The following ATP10B variants were observed in gnomAD, a reference collection of about 807,000 sequenced individuals.
ATP10B encodes the protein phospholipid-transporting ATPase VB.
Under a neutral mutation model 141.2 loss-of-function variants are expected in ATP10B, and 122 were observed. The observed-to-expected ratio is 0.86, with a 90% CI of 0.75 to 1.00. ATP10B has a LOEUF of 1.00. Ranked by LOEUF, ATP10B falls within the 50% of genes least tolerant of loss-of-function variation. ATP10B has a pLI of 0.00. For missense variants in ATP10B, 1,876 were observed against 1,825.3 expected (o/e 1.03, Z -0.51); for synonymous variants, 685 against 692.0 (o/e 0.99, Z 0.16).
At chr5:160,716,762 C>T in intron 3 of ATP10B, 147 bp downstream of exon 3, 1 of 453,328 alleles carries the variant, frequency 2.2e-6, no homozygotes, top group Non-Finnish European at 2.9e-6. Context: ...CCTGCGGGAC[C>T]CCGTTTTTTC....
intron 6 of ATP10B, 22 bp from the exon 7 acceptor site, chr5:160,670,689 G>C: frequency 6.2e-7 from 1 of 1,605,534 alleles, no homozygotes; most frequent in Non-Finnish European, 8.5e-7. Context: ...GAAAGACAGG[G>C]TGTGAGTGAG....
rs61734671 is a variant in ATP10B, at chr5:160,607,013, C to T, written c.2912G>A (p.Arg971His). 2.8e-4 allele frequency: 445 copies of T among 1,614,068 alleles called. 1 individual carries two copies. In the African/African-American group the frequency reaches 5.1e-3, roughly 19 times the overall value. Residue 971 changes from arginine to histidine, a missense_variant, in exon 19 of 26, where the codon CGC becomes CAC. Arg to His is a conservative substitution (Grantham distance 29). Transcript: ENST00000327245. Reference sequence around the variant, plus strand: ...AGGTAAGCGGAATCCAAAGAGCTTGCGGTCTGGCTTCTGTAGTTCACGAAA... The same window carrying T: ...AGGTAAGCGGAATCCAAAGAGCTTGTGGTCTGGCTTCTGTAGTTCACGAAA... ...KQFRELQKPD[R>H]KLFGFRLPSK... is the part of the protein sequence containing the mutation.
the ATP10B span, among the ~76,000 whole-genome samples, chr5:160,885,828 G>T: frequency 6.6e-6 from 1 of 152,166 alleles, no homozygotes; most frequent in African/African-American, 2.4e-5. Flanking sequence ...TTAACCCATT[G>T]TTCTTGATTT....
chr5:160,738,231 G>A (rs1158313376), intron 2 of ATP10B, among the ~76,000 whole-genome samples: 2 of 152,182 alleles, frequency 1.3e-5, no homozygotes, highest in East Asian at 3.9e-4. Flanking sequence ...TGAAGTGAAT[G>A]ATAATTAAAA....
intron 3 of ATP10B, among the ~76,000 whole-genome samples, chr5:160,694,056 T>C (rs1396429793): frequency 6.6e-6 from 1 of 152,044 alleles, no homozygotes; most frequent in Non-Finnish European, 1.5e-5. Context: ...GTCTGAAGAG[T>C]GCCAGGGAAA....
chr5:160,636,459 G>GTT, intron 10 of ATP10B, 150 bp from the exon 11 acceptor site: 1 of 715,072 alleles, frequency 1.4e-6, no homozygotes, highest in Non-Finnish European at 2.2e-6. Flanking sequence ...GTGTGTGTGT[G>GTT]TTTGTGTATG....
At chr5:160,814,753 T>A (rs1169839440) in intron 1 of ATP10B, among the ~76,000 whole-genome samples, 1 of 151,888 alleles carries the variant, frequency 6.6e-6, no homozygotes, top group African/African-American at 2.4e-5. Flanking sequence ...AGGTTACCCA[T>A]AAAGGAAAGC....
At chr5:160,684,744 C>T in intron 6 of ATP10B, 1 of 610,100 alleles carries the variant, frequency 1.6e-6, no homozygotes, top group Non-Finnish European at 2.9e-6. Context: ...TATCTCCCTA[C>T]TCCATCCCTT....
At chr5:160,572,800 A>G (rs1581132879) in intron 24 of ATP10B, among the ~76,000 whole-genome samples, 1 of 152,366 alleles carries the variant, frequency 6.6e-6, no homozygotes, top group South Asian at 2.1e-4. Flanking sequence ...TTTCATGCTT[A>G]TAGACAATAA....
At chr5:160,908,455 T>C in the ATP10B span, among the ~76,000 whole-genome samples, 1 of 152,230 alleles carries the variant, frequency 6.6e-6, no homozygotes, top group South Asian at 2.1e-4. Context: ...ATGAAAGACC[T>C]GATTTCAAAG....
At chr5:160,679,662 C>T (rs1294785763) in intron 6 of ATP10B, among the ~76,000 whole-genome samples, 1 of 152,170 alleles carries the variant, frequency 6.6e-6, no homozygotes, top group African/African-American at 2.4e-5. Flanking sequence ...ACTGAGAGTC[C>T]TTTGAGGGCA....
chr5:160,770,537 C>T (rs1750680994), intron 2 of ATP10B, among the ~76,000 whole-genome samples: 1 of 152,098 alleles, frequency 6.6e-6, no homozygotes, highest in Non-Finnish European at 1.5e-5. Flanking sequence ...ATATGGGTAG[C>T]TCCCAATTTA....
At chr5:160,879,626 C>G in the ATP10B span, among the ~76,000 whole-genome samples, 1 of 151,444 alleles carries the variant, frequency 6.6e-6, no homozygotes, top group Non-Finnish European at 1.5e-5. Flanking sequence ...ACGGTGAGGT[C>G]AAGAGATGGA....
chr5:160,866,800 G>T, the ATP10B span, among the ~76,000 whole-genome samples: 2 of 152,126 alleles, frequency 1.3e-5, no homozygotes, highest in African/African-American at 4.8e-5. Flanking sequence ...CACTGCTTGG[G>T]TGGCGGGTGC....
At chr5:160,907,441 T>C in the ATP10B span, among the ~76,000 whole-genome samples, 1 of 152,070 alleles carries the variant, frequency 6.6e-6, no homozygotes, top group Non-Finnish European at 1.5e-5. Flanking sequence ...TATGATCAAA[T>C]GCAGCTTCTG....
the ATP10B span, among the ~76,000 whole-genome samples, chr5:160,881,248 G>A: frequency 6.6e-6 from 1 of 152,030 alleles, no homozygotes; most frequent in African/African-American, 2.4e-5. Context: ...AGGATACCAC[G>A]ACACACCTAT....
chr5:160,873,115 T>TA, the ATP10B span, among the ~76,000 whole-genome samples: 1 of 4,056 alleles, frequency 2.5e-4, no homozygotes, highest in Non-Finnish European at 0.018. Flanking sequence ...ATTCCTAAGG[T>TA]TTTTTTTGTT....
chr5:160,604,910 A>G (rs1451103502), intron 19 of ATP10B, among the ~76,000 whole-genome samples: 1 of 152,256 alleles, frequency 6.6e-6, no homozygotes, highest in Non-Finnish European at 1.5e-5. Flanking sequence ...GGCCTTCCCC[A>G]GAAGCCAAAC....
chr5:160,645,081 C>T (rs1760181026), intron 8 of ATP10B, among the ~76,000 whole-genome samples: 1 of 148,722 alleles, frequency 6.7e-6, no homozygotes, highest in Non-Finnish European at 1.5e-5. Context: ...TGCTCCTTTG[C>T]ACTCCAGCCT....
Sources: gnomAD v4.1 joint callset for allele counts (sites outside exome capture counted in the v4.1 genomes callset) on GRCh38, gnomAD v4.1.1 for gene constraint, MANE v1.5 for transcripts, NCBI Gene and HGNC (gene_info 2026-07-23, HGNC 2026-07-21) for gene names.